The following PDE10A variants were observed in gnomAD, a reference collection of about 807,000 sequenced individuals.
The protein encoded by PDE10A is cAMP and cAMP-inhibited cGMP 3',5'-cyclic phosphodiesterase 10A.
A neutral mutation model predicts 97.7 loss-of-function variants in PDE10A; 39 were observed. The observed-to-expected ratio is 0.40, with a 90% CI of 0.31 to 0.52. PDE10A has a LOEUF of 0.52. PDE10A is among the 20% of genes least tolerant of loss of function. PDE10A has a pLI of 0.56. For missense variants in PDE10A, 731 were observed against 1,047.8 expected, an observed-to-expected ratio of 0.70 and a Z score of 4.17; for synonymous variants, 371 against 376.8, an observed-to-expected ratio of 0.98 and a Z score of 0.18.
Position 165,901,698 on chromosome 6 carries a change from A to C in PDE10A, c.-615+85831T>G, listed in dbSNP as rs559261293. 1.8e-4 allele frequency among the ~76,000 whole-genome samples: 28 copies of C among 152,296 alleles called. No homozygotes were observed. In the East Asian group the frequency reaches 2.3e-3, roughly 13 times the overall value. On this transcript the variant is annotated intron_variant, in intron 1 of 19. Transcript: ENST00000366882. Reference sequence around the variant, plus strand: ...ATGCCTGTAATCCCAGCTACTCGGGAGGCTGAGGCAGGAGAATCACTTGAA... The same window carrying C: ...ATGCCTGTAATCCCAGCTACTCGGGCGGCTGAGGCAGGAGAATCACTTGAA...
chr6:165,695,359 T>C (rs543505392), intron 1 of PDE10A, among the ~76,000 whole-genome samples: 5 of 152,322 alleles, frequency 3.3e-5, no homozygotes, highest in African/African-American at 9.6e-5. Context: ...TCTGTGCTAT[T>C]TGAGCTAAGA....
At chr6:165,403,920 G>A (rs1431001527) in intron 13 of PDE10A, among the ~76,000 whole-genome samples, 6 of 152,016 alleles carry the variant, frequency 3.9e-5, no homozygotes, top group African/African-American at 7.3e-5. Context: ...TCCTTTTTAC[G>A]GCTGAATAAT....
Position 165,758,517 on chromosome 6 carries a change from A to AAAGAAGAC in PDE10A, c.-614-214950_-614-214949insGTCTTCTT, listed in dbSNP as rs1554317312. Among the ~76,000 whole-genome samples the AAAGAAGAC allele has an allele frequency of 1.1e-4, 9 of 80,772 alleles. No homozygotes were observed. In the East Asian group the frequency reaches 1.6e-3, roughly 15 times the overall value. 53.0% of individuals were successfully genotyped at this position (80,772 alleles called of 152,430 possible). On this transcript the variant is annotated intron_variant, in intron 1 of 19. Coordinates refer to the PDE10A transcript ENST00000366882. ...GAAGAAAGAAGAAAGAAGAAAGAAGAAGAAGAAGAAGAAGAGGAAGAGGAA... is the reference window on the plus strand; with the variant it reads ...GAAGAAAGAAGAAAGAAGAAAGAAGAAAGAAGACAGAAGAAGAAGAAGAGGAAGAGGAA...
rs375702208 is a variant in PDE10A at position 165,480,244 on chromosome 6, C to T, written c.1023+2071G>A. ...AGTCAAAACAAATACTGGAGAATGG[C>T]CATTTTGGGAGGCTGCTTGGTTCTA... On this transcript the variant is annotated intron_variant, in intron 3 of 21. Coordinates refer to ENST00000539869, the MANE Select transcript of PDE10A (RefSeq NM_001385079.1). 5.8e-4 allele frequency among the ~76,000 whole-genome samples: 89 copies of T among 152,194 alleles called. 1 individual carries two copies. Among genetic ancestry groups the T allele is most frequent in the African/African-American group, 1.9e-3 (80 of 41,520 alleles).
intron 1 of PDE10A, among the ~76,000 whole-genome samples, chr6:165,768,925 A>G (rs1777934710): frequency 6.6e-6 from 1 of 152,216 alleles, no homozygotes; most frequent in Admixed American, 6.5e-5. Flanking sequence ...CGCAAAGTCA[A>G]TTATTTACAC....
intron 1 of PDE10A, among the ~76,000 whole-genome samples, chr6:165,631,484 G>A (rs1788626233): frequency 6.6e-6 from 1 of 152,200 alleles, no homozygotes; most frequent in Non-Finnish European, 1.5e-5. Flanking sequence ...CATTTTCTAA[G>A]TGAGACAATT....
chr6:165,641,196 G>GA (rs113320300), intron 1 of PDE10A, among the ~76,000 whole-genome samples: 5 of 149,662 alleles, frequency 3.3e-5, no homozygotes, highest in South Asian at 4.2e-4. Context: ...GGTCAACAAA[G>GA]AAAAAAAAAT....
chr6:165,738,389 C>A (rs960728738), intron 1 of PDE10A, among the ~76,000 whole-genome samples: 9 of 150,688 alleles, frequency 6.0e-5, no homozygotes, highest in Non-Finnish European at 1.2e-4. Context: ...ATATGTGCCA[C>A]ATTTTCTTAA....
intron 1 of PDE10A, among the ~76,000 whole-genome samples, chr6:165,723,988 C>G (rs1792229552): frequency 1.3e-5 from 2 of 152,144 alleles, no homozygotes; most frequent in African/African-American, 4.8e-5. Flanking sequence ...ATTCCACAAT[C>G]AGGGCTACTC....
At chr6:165,953,648 G>A (rs1784041674) in intron 1 of PDE10A, among the ~76,000 whole-genome samples, 1 of 151,990 alleles carries the variant, frequency 6.6e-6, no homozygotes, top group Non-Finnish European at 1.5e-5. Flanking sequence ...ACAGAAAACT[G>A]AGCAGACAGT....
intron 1 of PDE10A, among the ~76,000 whole-genome samples, chr6:165,751,085 G>C (rs1026625965): frequency 3.9e-5 from 6 of 152,126 alleles, no homozygotes; most frequent in African/African-American, 1.2e-4. Context: ...GAGAAGAAGG[G>C]AGCCATGGCC....
At chr6:165,499,249 C>T (rs375434760) in intron 2 of PDE10A, among the ~76,000 whole-genome samples, 2 of 152,148 alleles carry the variant, frequency 1.3e-5, no homozygotes, top group African/African-American at 4.8e-5. Context: ...AGGTTGTTTA[C>T]TCCATGGCAG....
At chr6:165,922,003 C>T (rs1282256175) in intron 1 of PDE10A, among the ~76,000 whole-genome samples, 1 of 152,092 alleles carries the variant, frequency 6.6e-6, no homozygotes, top group Admixed American at 6.6e-5. Flanking sequence ...GTGGGATAAA[C>T]CAGGCTAGGT....
intron 3 of PDE10A, among the ~76,000 whole-genome samples, chr6:165,469,679 T>A (rs951589939): frequency 6.6e-6 from 1 of 152,142 alleles, no homozygotes; most frequent in African/African-American, 2.4e-5. Context: ...TGGTTTTCCA[T>A]CTGGGTGAGA....
chr6:165,898,111 C>T (rs984217609), intron 1 of PDE10A, among the ~76,000 whole-genome samples: 1 of 151,882 alleles, frequency 6.6e-6, no homozygotes, highest in Non-Finnish European at 1.5e-5. Context: ...CCCTCCACCC[C>T]CCATGAGTTG....
intron 18 of PDE10A, among the ~76,000 whole-genome samples, chr6:165,378,924 A>T (rs1315993196): frequency 6.6e-6 from 1 of 152,200 alleles, no homozygotes; most frequent in Non-Finnish European, 1.5e-5. Flanking sequence ...ACATCATTCC[A>T]GCCTTTCCTT....
chr6:165,857,176 T>C (rs1780759778), intron 1 of PDE10A, among the ~76,000 whole-genome samples: 1 of 151,488 alleles, frequency 6.6e-6, no homozygotes, highest in Non-Finnish European at 1.5e-5. Flanking sequence ...CTGAAAGGGG[T>C]TGAGTTTGCC....
chr6:165,628,949 C>T (rs1241066569), intron 1 of PDE10A, among the ~76,000 whole-genome samples: 1 of 151,860 alleles, frequency 6.6e-6, no homozygotes, highest in South Asian at 2.1e-4. Context: ...GGCAACAGAT[C>T]CATGCATTTA....
upstream of PDE10A, among the ~76,000 whole-genome samples, chr6:165,664,960 C>T (rs1467549454): frequency 6.6e-6 from 1 of 152,176 alleles, no homozygotes; most frequent in Non-Finnish European, 1.5e-5. Context: ...GGTGGGAAAC[C>T]CCAAATATTT....
Sources: allele counts gnomAD v4.1 joint callset (sites outside exome capture counted in the v4.1 genomes callset), GRCh38; gene constraint gnomAD v4.1.1; transcripts MANE v1.5; gene names NCBI Gene and HGNC (gene_info 2026-07-23, HGNC 2026-07-21).